The following CRY1 variants were observed in gnomAD, a reference collection of about 807,000 sequenced individuals.
CRY1 encodes the protein cryptochrome-1.
CRY1 carries 45 observed loss-of-function variants against 76.0 expected under a neutral mutation model. The ratio of observed to expected loss-of-function variants is 0.59; its 90% CI spans 0.47 to 0.76. The LOEUF is 0.76. CRY1 is among the 30% of genes least tolerant of loss of function. CRY1 has a pLI of 0.00. For missense variants in CRY1, 587 were observed against 716.4 expected (o/e 0.82, Z 2.06); for synonymous variants, 248 against 244.0 (o/e 1.02, Z -0.15).
chr12:107,061,258 C>T (rs1402497272), intron 1 of CRY1, among the ~76,000 whole-genome samples: 2 of 152,086 alleles, frequency 1.3e-5, no homozygotes, highest in Non-Finnish European at 2.9e-5. Context: ...GTCTCTTTAC[C>T]TTATTAGTGA....
intron 2 of CRY1, among the ~76,000 whole-genome samples, chr12:107,010,631 A>C (rs974797209): frequency 1.3e-5 from 2 of 151,314 alleles, no homozygotes; most frequent in African/African-American, 2.4e-5. Flanking sequence ...TTTTTAAGAG[A>C]CGTGGTTTCA....
chr12:107,029,402 A>G (rs144873797), intron 1 of CRY1, among the ~76,000 whole-genome samples: 2,205 of 152,048 alleles, frequency 0.015, 64 homozygotes, highest in African/African-American at 0.051. Flanking sequence ...GACCAGCCTG[A>G]GCAACATAGG....
chr12:107,059,704 T>C (rs1953026604), intron 1 of CRY1, among the ~76,000 whole-genome samples: 1 of 152,024 alleles, frequency 6.6e-6, no homozygotes, highest in Admixed American at 6.5e-5. Context: ...ACATAAATAG[T>C]AATGATGATC....
chr12:107,002,023 C>T (rs1593494964), intron 3 of CRY1, 75 bp from the exon 4 acceptor site: 1 of 1,259,084 alleles, frequency 7.9e-7, no homozygotes, highest in South Asian at 1.5e-5. Flanking sequence ...TCCCAAAAGG[C>T]TTAAAAAGCA....
chr12:106,997,148 G>A, intron 10 of CRY1, 146 bp downstream of exon 10: 1 of 689,598 alleles, frequency 1.5e-6, no homozygotes, highest in Non-Finnish European at 2.5e-6. Context: ...GTGTCTGGGT[G>A]CACATGTATG....
chr12:107,086,612 C>T (rs1171698527), intron 1 of CRY1, among the ~76,000 whole-genome samples: 1 of 152,204 alleles, frequency 6.6e-6, no homozygotes, highest in East Asian at 1.9e-4. Context: ...CTCAAAAGGC[C>T]CCAGGTACTG....
At chr12:107,005,491 GCT>G (rs1315568680) in intron 2 of CRY1, among the ~76,000 whole-genome samples, 5 of 152,256 alleles carry the variant, frequency 3.3e-5, no homozygotes, top group African/African-American at 9.6e-5. Flanking sequence ...CTTAAAACCA[GCT>G]CTTATACTAA....
intron 1 of CRY1, among the ~76,000 whole-genome samples, chr12:107,053,518 A>C (rs1398168216): frequency 6.6e-6 from 1 of 152,124 alleles, no homozygotes; most frequent in African/African-American, 2.4e-5. Flanking sequence ...GGGTTTCTCC[A>C]TGTTGGTCAG....
intron 1 of CRY1, among the ~76,000 whole-genome samples, chr12:107,057,847 C>A (rs1450728547): frequency 6.6e-6 from 1 of 151,888 alleles, no homozygotes; most frequent in Non-Finnish European, 1.5e-5. Flanking sequence ...CTGATTGAGG[C>A]CAGGAGTTCA....
rs558134404 is a variant in CRY1, at chr12:107,053,431, C to T, written c.159-31239G>A. Among the ~76,000 whole-genome samples the T allele has an allele frequency of 1.4e-4, 21 of 152,256 alleles. No homozygotes were observed. In the South Asian group the frequency reaches 4.4e-3, roughly 32 times the overall value. On this transcript the variant is annotated intron_variant, in intron 1 of 12. Transcript: ENST00000008527. ...TCCCGGGTTCAAGCAATTCTCCTGC[C>T]TCAGCCTCCTGAGTAGCTGGGATTA...
At chr12:107,057,507 T>G (rs1323106265) in intron 1 of CRY1, among the ~76,000 whole-genome samples, 1 of 152,114 alleles carries the variant, frequency 6.6e-6, no homozygotes, top group Non-Finnish European at 1.5e-5. Flanking sequence ...AACCCACATT[T>G]CAAAGATGAG....
intron 7 of CRY1, among the ~76,000 whole-genome samples, chr12:106,999,263 A>G (rs1338150784): frequency 6.6e-6 from 1 of 152,148 alleles, no homozygotes; most frequent in Non-Finnish European, 1.5e-5. Context: ...ACCTATAAAT[A>G]TATCTATCAA....
chr12:107,043,504 G>A (rs1038931405), intron 1 of CRY1, among the ~76,000 whole-genome samples: 1 of 152,158 alleles, frequency 6.6e-6, no homozygotes, highest in Non-Finnish European at 1.5e-5. Flanking sequence ...TGCCTTGGCT[G>A]AGCCGAGCAG....
intron 2 of CRY1, among the ~76,000 whole-genome samples, chr12:107,021,347 C>A (rs1276419849): frequency 6.6e-6 from 1 of 152,170 alleles, no homozygotes; most frequent in Non-Finnish European, 1.5e-5. Context: ...TTGTTACAAT[C>A]CTTTGACCCA....
intron 1 of CRY1, among the ~76,000 whole-genome samples, chr12:107,060,852 C>T (rs1341146150): frequency 6.6e-6 from 1 of 152,056 alleles, no homozygotes; most frequent in African/African-American, 2.4e-5. Flanking sequence ...GTGGCGGGCA[C>T]CTGTAGTCCC....
chr12:107,069,092 T>C (rs1953147713), intron 1 of CRY1, among the ~76,000 whole-genome samples: 1 of 152,230 alleles, frequency 6.6e-6, no homozygotes, highest in Non-Finnish European at 1.5e-5. Context: ...GTGATATTGC[T>C]GGTAATTCTA....
At chr12:107,060,072 T>C (rs1168985179) in intron 1 of CRY1, among the ~76,000 whole-genome samples, 2 of 152,262 alleles carry the variant, frequency 1.3e-5, no homozygotes, top group African/African-American at 2.4e-5. Flanking sequence ...AAAATATTGA[T>C]ATTATATGCG....
At chr12:107,052,544 A>G (rs150472497) in intron 1 of CRY1, among the ~76,000 whole-genome samples, 4 of 152,346 alleles carry the variant, frequency 2.6e-5, no homozygotes, top group Admixed American at 6.5e-5. Flanking sequence ...TAATAACTGA[A>G]TAACATAAAG....
intron 5 of CRY1, 24 bp from the exon 6 acceptor site, chr12:107,000,106 T>C (rs2136821999): frequency 1.9e-6 from 3 of 1,565,676 alleles, no homozygotes; most frequent in Non-Finnish European, 2.6e-6. Context: ...GAGAAAATTA[T>C]ATTAACTAAT....
Sources: gnomAD v4.1 joint callset for allele counts (sites outside exome capture counted in the v4.1 genomes callset) on GRCh38, gnomAD v4.1.1 for gene constraint, MANE v1.5 for transcripts, NCBI Gene and HGNC (gene_info 2026-07-23, HGNC 2026-07-21) for gene names.